TRIO: variants seen among roughly 807,000 people sequenced by gnomAD.
TRIO encodes the protein trio Rho guanine nucleotide exchange factor, also known as triple functional domain protein.
Under a neutral mutation model 351.9 loss-of-function variants are expected in TRIO, and 58 were observed. The ratio of observed to expected loss-of-function variants is 0.16; its 90% CI spans 0.13 to 0.21. The LOEUF (loss-of-function observed/expected upper bound fraction) is 0.21. Among genes scored for constraint, TRIO ranks in the 10% least tolerant of loss-of-function variants. The pLI, the probability that TRIO is intolerant of heterozygous loss-of-function variation, is 1.00. For synonymous variants in TRIO, 1,758 were observed against 1,595.7 expected (o/e 1.10, Z -2.42); for missense variants, 3,201 against 4,027.8 (o/e 0.79, Z 5.56).
chr5:14,338,234 G>A (rs1027783020), intron 11 of TRIO, among the ~76,000 whole-genome samples: 2 of 152,108 alleles, frequency 1.3e-5, no homozygotes, highest in Non-Finnish European at 2.9e-5. Context: ...TGACTAGGCC[G>A]TACCCCTGCT....
chr5:14,201,675 A>C (rs753979790), intron 1 of TRIO, among the ~76,000 whole-genome samples: 2 of 152,192 alleles, frequency 1.3e-5, no homozygotes, highest in African/African-American at 2.4e-5. Context: ...ATTTACTTGG[A>C]AATATTAATG....
intron 33 of TRIO, among the ~76,000 whole-genome samples, chr5:14,409,825 A>C (rs1579573607): frequency 1.6e-5 from 2 of 123,170 alleles, no homozygotes; most frequent in African/African-American, 3.5e-5. Context: ...ACAGAGCGAG[A>C]CTCCATCTCA....
chr5:14,306,284 G>A (rs1257295236), intron 8 of TRIO, among the ~76,000 whole-genome samples: 1 of 152,104 alleles, frequency 6.6e-6, no homozygotes, highest in Non-Finnish European at 1.5e-5. Flanking sequence ...TCTTAATTTT[G>A]CACCAATGTT....
chr5:14,162,067 T>C (rs1788491508), intron 1 of TRIO, among the ~76,000 whole-genome samples: 2 of 152,220 alleles, frequency 1.3e-5, no homozygotes, highest in African/African-American at 4.8e-5. Context: ...CACCGAGTTA[T>C]GCCAAGGCAC....
At chr5:14,192,294 C>G (rs751816807) in intron 1 of TRIO, among the ~76,000 whole-genome samples, 4 of 149,750 alleles carry the variant, frequency 2.7e-5, no homozygotes, top group Non-Finnish European at 5.9e-5. Context: ...GAGTCTTGCT[C>G]TGTCGCCCAG....
chr5:14,284,245 G>A, intron 3 of TRIO, among the ~76,000 whole-genome samples: 1 of 152,110 alleles, frequency 6.6e-6, no homozygotes, highest in East Asian at 1.9e-4. Context: ...TGGTAAAAAT[G>A]CTAAAATAAC....
intron 36 of TRIO, among the ~76,000 whole-genome samples, chr5:14,464,636 A>G (rs1231997910): frequency 1.3e-5 from 2 of 152,152 alleles, no homozygotes; most frequent in Non-Finnish European, 2.9e-5. Context: ...TTGTTTTGCA[A>G]AGTGCATATT....
At chr5:14,302,032 A>G (rs1209910426) in intron 7 of TRIO, among the ~76,000 whole-genome samples, 1 of 152,166 alleles carries the variant, frequency 6.6e-6, no homozygotes, top group African/African-American at 2.4e-5. Flanking sequence ...TTCCCTGGCT[A>G]TATGTTTTCA....
At chr5:14,427,618 G>A (rs545408443) in intron 34 of TRIO, among the ~76,000 whole-genome samples, 32 of 152,270 alleles carry the variant, frequency 2.1e-4, no homozygotes, top group Non-Finnish European at 4.0e-4. Context: ...TGCCCTCCTT[G>A]GAGGGGAGCC....
intron 5 of TRIO, among the ~76,000 whole-genome samples, chr5:14,291,646 G>T (rs541367035): frequency 6.6e-6 from 1 of 151,580 alleles, no homozygotes; most frequent in Admixed American, 6.6e-5. Flanking sequence ...AAAATTAGCC[G>T]GGTGTGGTGG....
At chr5:14,297,291 AGGT>A in intron 7 of TRIO, 28 bp downstream of exon 7, 2 of 1,602,682 alleles carry the variant, frequency 1.2e-6, no homozygotes, top group Non-Finnish European at 1.7e-6. Context: ...CCAGCCCACG[AGGT>A]GGTAACCAGA....
chr5:14,380,280 TCGCGCCCCGCC>T (rs1468886806), intron 20 of TRIO, among the ~76,000 whole-genome samples: 2 of 26,894 alleles, frequency 7.4e-5, no homozygotes, highest in African/African-American at 1.9e-4. Flanking sequence ...GCCTCCTCCT[TCGCGCCCCGCC>T]TCCTCCTTCG....
chr5:14,175,795 C>T (rs1789369653), intron 1 of TRIO, among the ~76,000 whole-genome samples: 1 of 152,232 alleles, frequency 6.6e-6, no homozygotes, highest in African/African-American at 2.4e-5. Flanking sequence ...TCCGCAAAAT[C>T]TGTGCGAGTC....
intron 34 of TRIO, among the ~76,000 whole-genome samples, chr5:14,448,259 G>T (rs1752584425): frequency 6.6e-6 from 1 of 152,248 alleles, no homozygotes; most frequent in Admixed American, 6.5e-5. Context: ...AACTAGAGGA[G>T]CATTCAGAAG....
chr5:14,325,893 C>T (rs1263117539), intron 9 of TRIO, among the ~76,000 whole-genome samples: 2 of 152,186 alleles, frequency 1.3e-5, no homozygotes, highest in Non-Finnish European at 2.9e-5. Flanking sequence ...GGTAACTATT[C>T]GCAGATTTAC....
chr5:14,259,761 AAAC>A (rs1795234182), intron 1 of TRIO, among the ~76,000 whole-genome samples: 1 of 151,514 alleles, frequency 6.6e-6, no homozygotes, highest in African/African-American at 2.4e-5. Context: ...TTCAGCCTAA[AAAC>A]AAGTTACAAA....
At chr5:14,337,476 C>T (rs1186314344) in intron 11 of TRIO, among the ~76,000 whole-genome samples, 4 of 152,172 alleles carry the variant, frequency 2.6e-5, no homozygotes, top group Non-Finnish European at 5.9e-5. Flanking sequence ...TGAGGACCTT[C>T]ACAGAGGATC....
chr5:14,250,496 G>A (rs530416041), intron 1 of TRIO, among the ~76,000 whole-genome samples: 12 of 152,272 alleles, frequency 7.9e-5, no homozygotes, highest in Middle Eastern at 3.4e-3. Flanking sequence ...GAGCCTCTCC[G>A]TATGCCCACA....
intron 48 of TRIO, chr5:14,490,751 TG>T (rs749721760): frequency 7.9e-5 from 36 of 454,562 alleles, no homozygotes; most frequent in Non-Finnish European, 1.5e-4. Flanking sequence ...TAGTTAGGAT[TG>T]TAGTAGCAAA....
Sources: gnomAD v4.1 joint callset for allele counts (sites outside exome capture counted in the v4.1 genomes callset) on GRCh38, gnomAD v4.1.1 for gene constraint, MANE v1.5 for transcripts, NCBI Gene and HGNC (gene_info 2026-07-23, HGNC 2026-07-21) for gene names.